SLC35D4: variants seen among roughly 807,000 people sequenced by gnomAD.
SLC35D4 encodes solute carrier family 35 member D4, also known as UDP-N-acetylglucosamine transporter SLC35D4.
chr18:23,292,674 T>C, the SLC35D4 span, among the ~76,000 whole-genome samples: 2 of 152,186 alleles, frequency 1.3e-5, no homozygotes, highest in Non-Finnish European at 2.9e-5. Context: ...GGGCTTTGAA[T>C]AACCTAGATT....
the SLC35D4 span, among the ~76,000 whole-genome samples, chr18:23,390,719 G>A: frequency 6.6e-6 from 1 of 152,204 alleles, no homozygotes; most frequent in Non-Finnish European, 1.5e-5. Context: ...CTACAGAGGT[G>A]TGAACGACTC....
At chr18:23,323,486 T>C in the SLC35D4 span, among the ~76,000 whole-genome samples, 1 of 152,220 alleles carries the variant, frequency 6.6e-6, no homozygotes, top group South Asian at 2.1e-4. Context: ...GTGAGCCCTC[T>C]ACGTGACATC....
the SLC35D4 span, chr18:23,252,833 G>T: frequency 9.6e-6 from 6 of 624,826 alleles, no homozygotes; most frequent in East Asian, 1.8e-4. Flanking sequence ...AGCCCTTGTT[G>T]TAGCTCCAAT....
At chr18:23,377,625 G>T in the SLC35D4 span, 134 of 1,571,450 alleles carry the variant, frequency 8.5e-5, no homozygotes, top group Middle Eastern at 5.4e-4. Context: ...TGGCTTTTTG[G>T]GGGGAGGGCA....
At chr18:23,308,034 A>T in the SLC35D4 span, among the ~76,000 whole-genome samples, 2 of 152,182 alleles carry the variant, frequency 1.3e-5, no homozygotes, top group Non-Finnish European at 2.9e-5. Flanking sequence ...GGCAGACCCT[A>T]ATGGGCAGAA....
chr18:23,405,745 A>G, the SLC35D4 span, among the ~76,000 whole-genome samples: 1 of 152,204 alleles, frequency 6.6e-6, no homozygotes, highest in African/African-American at 2.4e-5. Flanking sequence ...AATGGCCAAC[A>G]GCTCCATGTA....
the SLC35D4 span, chr18:23,377,778 C>G: frequency 1.5e-5 from 15 of 1,013,838 alleles, no homozygotes; most frequent in Non-Finnish European, 2.0e-5. Flanking sequence ...GTAGATTTAT[C>G]AAGAGCTTAA....
the SLC35D4 span, chr18:23,368,807 A>T: frequency 1.8e-6 from 2 of 1,127,974 alleles, no homozygotes; most frequent in Non-Finnish European, 2.5e-6. Context: ...TTTTAAATAC[A>T]TAAAATAATC....
At chr18:23,382,255 A>G in the SLC35D4 span, among the ~76,000 whole-genome samples, 38 of 151,192 alleles carry the variant, frequency 2.5e-4, no homozygotes, top group East Asian at 1.2e-3. Flanking sequence ...AAAAAAAAAA[A>G]AAAGAAAGAA....
the SLC35D4 span, among the ~76,000 whole-genome samples, chr18:23,371,847 G>A: frequency 5.9e-5 from 9 of 151,440 alleles, no homozygotes; most frequent in Admixed American, 3.9e-4. Flanking sequence ...CAGCTCAACC[G>A]AGGGGACCCT....
the SLC35D4 span, among the ~76,000 whole-genome samples, chr18:23,278,473 G>A: frequency 6.6e-6 from 1 of 152,160 alleles, no homozygotes; most frequent in African/African-American, 2.4e-5. Context: ...TTACTAGGAA[G>A]TGTAGTCATC....
At chr18:23,412,113 A>G in the SLC35D4 span, among the ~76,000 whole-genome samples, 1 of 152,216 alleles carries the variant, frequency 6.6e-6, no homozygotes, top group Non-Finnish European at 1.5e-5. Flanking sequence ...TGAGGTCAGG[A>G]GTTCGAGGTC....
chr18:23,352,459 T>C, the SLC35D4 span, among the ~76,000 whole-genome samples: 1 of 152,144 alleles, frequency 6.6e-6, no homozygotes. Context: ...AATTTTAAAG[T>C]CATTAAGCTC....
chr18:23,414,609 G>C, the SLC35D4 span, among the ~76,000 whole-genome samples: 1 of 151,608 alleles, frequency 6.6e-6, no homozygotes, highest in African/African-American at 2.4e-5. Flanking sequence ...GCAGGCAGAG[G>C]TTGCAATGAG....
At chr18:23,253,831 G>A in the SLC35D4 span, 1 of 1,614,238 alleles carries the variant, frequency 6.2e-7, no homozygotes, top group Non-Finnish European at 8.5e-7. Flanking sequence ...CCCTCAAGGG[G>A]AAACTCAACA....
At chr18:23,275,081 T>TGC in the SLC35D4 span, among the ~76,000 whole-genome samples, 4 of 150,996 alleles carry the variant, frequency 2.6e-5, no homozygotes, top group African/African-American at 7.3e-5. Flanking sequence ...TGTGTGTGTG[T>TGC]GCTTGTGTGC....
At chr18:23,303,308 G>A in the SLC35D4 span, among the ~76,000 whole-genome samples, 1 of 152,222 alleles carries the variant, frequency 6.6e-6, no homozygotes, top group Non-Finnish European at 1.5e-5. Flanking sequence ...AAATTCCAAA[G>A]TCAAGGTTCC....
the SLC35D4 span, among the ~76,000 whole-genome samples, chr18:23,334,689 A>G: frequency 6.6e-6 from 1 of 152,136 alleles, no homozygotes; most frequent in African/African-American, 2.4e-5. Flanking sequence ...GCAAAGTGCC[A>G]CCATAGAGTG....
the SLC35D4 span, among the ~76,000 whole-genome samples, chr18:23,408,148 G>GACACACACACACAC: frequency 7.3e-6 from 1 of 136,254 alleles, no homozygotes; most frequent in Non-Finnish European, 1.5e-5. Flanking sequence ...ACTGGCCTGA[G>GACACACACACACAC]ACACACACAC....
Sources: allele counts gnomAD v4.1 joint callset (sites outside exome capture counted in the v4.1 genomes callset), GRCh38; gene constraint gnomAD v4.1.1; transcripts MANE v1.5; gene names NCBI Gene and HGNC (gene_info 2026-07-23, HGNC 2026-07-21).